Variants in DUSP13B observed in about 807,000 individuals in gnomAD.
DUSP13B encodes dual specificity protein phosphatase 13B.
chr10:75,108,424 T>C, the DUSP13B span: 1 of 822,250 alleles, frequency 1.2e-6, no homozygotes, highest in Admixed American at 3.3e-5. Context: ...GGGGGATCTT[T>C]AGACCCTCTT....
chr10:75,096,021 G>T, the DUSP13B span, among the ~76,000 whole-genome samples: 7 of 152,112 alleles, frequency 4.6e-5, no homozygotes, highest in African/African-American at 1.7e-4. Flanking sequence ...TTGGGAGACC[G>T]AGGTGGGCAG....
the DUSP13B span, chr10:75,108,180 C>T: frequency 1.2e-6 from 2 of 1,611,348 alleles, no homozygotes; most frequent in Non-Finnish European, 1.7e-6. Flanking sequence ...GCCCAGCTTC[C>T]ACAGCTCAAA....
the DUSP13B span, chr10:75,094,493 A>T: frequency 1.6e-6 from 1 of 613,478 alleles, no homozygotes; most frequent in Non-Finnish European, 2.8e-6. Flanking sequence ...TGCATAAAGA[A>T]TCTCTGAATT....
chr10:75,094,704 C>G, the DUSP13B span: 1 of 1,613,988 alleles, frequency 6.2e-7, no homozygotes, highest in Non-Finnish European at 8.5e-7. Context: ...CCGCCCCAGT[C>G]GGTTGTCCAG....
chr10:75,096,386 G>A, the DUSP13B span, among the ~76,000 whole-genome samples: 2 of 151,950 alleles, frequency 1.3e-5, no homozygotes, highest in East Asian at 3.9e-4. Context: ...AGACCAGCCT[G>A]GGCAACATGG....
chr10:75,108,633 G>C, the DUSP13B span, among the ~76,000 whole-genome samples: 1,101 of 152,286 alleles, frequency 7.2e-3, 11 homozygotes, highest in African/African-American at 0.024. Context: ...CTTCAGTCAG[G>C]CTTCTCCACC....
chr10:75,103,398 A>G, the DUSP13B span, among the ~76,000 whole-genome samples: 4 of 152,204 alleles, frequency 2.6e-5, no homozygotes, highest in African/African-American at 9.6e-5. Flanking sequence ...TGCAGGCAGA[A>G]GCAGTGTGTC....
the DUSP13B span, chr10:75,101,896 C>T: frequency 2.9e-6 from 4 of 1,367,316 alleles, no homozygotes; most frequent in South Asian, 1.1e-5. Context: ...AGGCTGTGCA[C>T]TTCTCTGACG....
At chr10:75,101,984 T>C in the DUSP13B span, 1 of 1,363,284 alleles carries the variant, frequency 7.3e-7, no homozygotes, top group Non-Finnish European at 9.8e-7. Context: ...TTGAGTTTAA[T>C]TATAAAGCAT....
chr10:75,105,858 C>G, the DUSP13B span: 3 of 1,549,200 alleles, frequency 1.9e-6, no homozygotes, highest in South Asian at 3.6e-5. Context: ...CACAGTGCAC[C>G]AGGACCTTGG....
chr10:75,097,307 C>T, the DUSP13B span, among the ~76,000 whole-genome samples: 1 of 152,168 alleles, frequency 6.6e-6, no homozygotes, highest in South Asian at 2.1e-4. Context: ...CTCCTGGATT[C>T]AAGTGATTCT....
At chr10:75,097,905 G>A in the DUSP13B span, 16 of 1,548,610 alleles carry the variant, frequency 1.0e-5, no homozygotes, top group Middle Eastern at 1.7e-4. Flanking sequence ...AGTGGACACC[G>A]CAGTGGCTGG....
chr10:75,106,461 C>G, the DUSP13B span, among the ~76,000 whole-genome samples: 1 of 152,180 alleles, frequency 6.6e-6, no homozygotes, highest in Non-Finnish European at 1.5e-5. Flanking sequence ...CAGGTTTTGG[C>G]TGAGACACGG....
chr10:75,103,873 G>C, the DUSP13B span: 1 of 1,296,776 alleles, frequency 7.7e-7, no homozygotes, highest in Non-Finnish European at 1.0e-6. Context: ...GGGCTTGGCT[G>C]AGAGGGGAGC....
At chr10:75,101,046 C>T in the DUSP13B span, among the ~76,000 whole-genome samples, 2 of 152,234 alleles carry the variant, frequency 1.3e-5, no homozygotes. Context: ...GGCCACAGGC[C>T]ATGTGGGGCT....
the DUSP13B span, among the ~76,000 whole-genome samples, chr10:75,103,032 G>T: frequency 6.6e-6 from 1 of 152,168 alleles, no homozygotes; most frequent in Non-Finnish European, 1.5e-5. Context: ...AGAATCACCT[G>T]AGCCCAGGAA....
the DUSP13B span, chr10:75,101,843 C>G: frequency 1.8e-4 from 246 of 1,361,978 alleles, 1 homozygote; most frequent in Admixed American, 1.2e-3. Flanking sequence ...TCCTACCCCC[C>G]CCAAATTAGG....
At chr10:75,095,906 G>C in the DUSP13B span, 1 of 1,009,990 alleles carries the variant, frequency 9.9e-7, no homozygotes, top group Middle Eastern at 3.2e-4. Context: ...CAAGGGTAGA[G>C]ACAAGAGCCT....
chr10:75,098,268 G>A, the DUSP13B span, among the ~76,000 whole-genome samples: 1 of 152,228 alleles, frequency 6.6e-6, no homozygotes, highest in East Asian at 1.9e-4. Flanking sequence ...GGCTCTCAGG[G>A]CACCCAGGAA....
Sources: gnomAD v4.1 joint callset for allele counts (sites outside exome capture counted in the v4.1 genomes callset) on GRCh38, gnomAD v4.1.1 for gene constraint, MANE v1.5 for transcripts, NCBI Gene and HGNC (gene_info 2026-07-23, HGNC 2026-07-21) for gene names.